Variants in IGF2BP3 observed in about 807,000 individuals in gnomAD.
IGF2BP3 encodes the protein insulin like growth factor 2 mRNA binding protein 3.
In IGF2BP3, 9 loss-of-function variants were observed where a neutral mutation model predicts 73.8. That is an observed-to-expected ratio of 0.12 (90% CI 0.07 to 0.21). IGF2BP3 has a LOEUF of 0.21. Among genes scored for constraint, IGF2BP3 ranks in the 10% least tolerant of loss-of-function variants. IGF2BP3 has a pLI of 1.00. For missense variants in IGF2BP3, 542 were observed against 714.0 expected, an observed-to-expected ratio of 0.76 and a Z score of 2.75; for synonymous variants, 258 against 256.7, an observed-to-expected ratio of 1.01 and a Z score of -0.05.
chr7:23,444,457 T>G (rs1788008054), intron 2 of IGF2BP3, among the ~76,000 whole-genome samples: 2 of 152,206 alleles, frequency 1.3e-5, no homozygotes, highest in South Asian at 4.2e-4. Flanking sequence ...AATTGCTTTT[T>G]AGGTCAGGTG....
At chr7:23,353,228 G>A (rs1336699005) in intron 5 of IGF2BP3, among the ~76,000 whole-genome samples, 4 of 152,056 alleles carry the variant, frequency 2.6e-5, no homozygotes, top group African/African-American at 7.2e-5. Flanking sequence ...GGTCATTTCC[G>A]GCTTATACAC....
intron 10 of IGF2BP3, among the ~76,000 whole-genome samples, chr7:23,325,748 G>C (rs896693076): frequency 2.0e-5 from 3 of 152,196 alleles, no homozygotes; most frequent in African/African-American, 7.2e-5. Context: ...GAACAGAACA[G>C]AACAGAGCCC....
intron 2 of IGF2BP3, among the ~76,000 whole-genome samples, chr7:23,451,330 A>G (rs1260399745): frequency 2.0e-5 from 3 of 152,304 alleles, no homozygotes; most frequent in Admixed American, 2.0e-4. Flanking sequence ...AGGCAGGAGA[A>G]TCGCTTGAAC....
At chr7:23,424,446 G>A (rs1341823021) in intron 2 of IGF2BP3, among the ~76,000 whole-genome samples, 4 of 149,998 alleles carry the variant, frequency 2.7e-5, no homozygotes, top group African/African-American at 4.9e-5. Context: ...GCAGTGAGCC[G>A]AGATCGCACC....
chr7:23,408,503 A>T (rs1470234591), intron 3 of IGF2BP3, among the ~76,000 whole-genome samples: 1 of 152,228 alleles, frequency 6.6e-6, no homozygotes, highest in Non-Finnish European at 1.5e-5. Context: ...CAAAATAACA[A>T]GTGTTGAAGT....
chr7:23,324,035 T>G (rs959915893), intron 10 of IGF2BP3, among the ~76,000 whole-genome samples: 1 of 151,804 alleles, frequency 6.6e-6, no homozygotes, highest in Admixed American at 6.5e-5. Flanking sequence ...GAAAACACAT[T>G]CAAAAGCTAG....
chr7:23,470,060 G>T lies in IGF2BP3; in HGVS notation c.51C>A (p.Asp17Glu). The change falls in exon 1 of 15, where the codon GAC becomes GAA. Residue 17 changes from aspartate (D) to glutamate (E), a missense_variant. By Grantham distance (45) the Asp-to-Glu change is conservative. Transcript: ENST00000258729. ...TGGCGTCCTTGAAGATACTTTCTAG[G>T]TCCGAGGGGGCGGCGTTCTCGCTGA... is the stretch of plus-strand genomic sequence containing the variant. ...GNLSENAAPS[D>E]LESIFKDAKI... 1 of 1,611,008 alleles carries T rather than the reference G, an allele frequency of 6.2e-7. No homozygotes were observed. Among genetic ancestry groups the T allele is most frequent in the Non-Finnish European group, 8.5e-7 (1 of 1,179,306 alleles).
intron 13 of IGF2BP3, among the ~76,000 whole-genome samples, chr7:23,313,244 G>C (rs1014413946): frequency 2.6e-5 from 4 of 152,178 alleles, no homozygotes; most frequent in African/African-American, 9.7e-5. Flanking sequence ...TTAAGTGTCT[G>C]TTCCATAAAA....
rs1157657570 is a variant in IGF2BP3 at position 23,396,927 on chromosome 7, C to CT, written c.285+21848dup. Among the ~76,000 whole-genome samples the CT allele has an allele frequency of 2.6e-5, 4 of 152,036 alleles. No individual in the cohort carries two copies. The East Asian group carries it at 7.7e-4, about 29-fold the overall frequency. On this transcript the variant is annotated intron_variant, in intron 3 of 14. Transcript: ENST00000258729. ...GGTTCTCACATTGACCCTGAAAGGACTTTTTTTTGTTAATCCCATTTTCAC... is the reference window on the plus strand; with the variant it reads ...GGTTCTCACATTGACCCTGAAAGGACTTTTTTTTTGTTAATCCCATTTTCAC...
chr7:23,370,588 G>A (rs1785512553), intron 3 of IGF2BP3, among the ~76,000 whole-genome samples: 1 of 152,032 alleles, frequency 6.6e-6, no homozygotes, highest in Non-Finnish European at 1.5e-5. Context: ...CACTGCTCAG[G>A]ATCTGTGATG....
At chr7:23,401,200 T>A (rs185569894) in intron 3 of IGF2BP3, among the ~76,000 whole-genome samples, 6 of 152,320 alleles carry the variant, frequency 3.9e-5, no homozygotes, top group African/African-American at 1.4e-4. Context: ...ACCATCCATA[T>A]TTAAGATTCA....
chr7:23,400,227 A>C (rs548875447), intron 3 of IGF2BP3, among the ~76,000 whole-genome samples: 2 of 152,362 alleles, frequency 1.3e-5, no homozygotes, highest in African/African-American at 4.8e-5. Flanking sequence ...AAATAGGCAA[A>C]TGCATCTAAG....
chr7:23,351,711 C>T (rs1784967033), intron 5 of IGF2BP3, 125 bp from the exon 6 acceptor site: 1 of 964,384 alleles, frequency 1.0e-6, no homozygotes, highest in Non-Finnish European at 1.5e-6. Context: ...GAAGCCCCAG[C>T]ACAAGCAGCA....
chr7:23,410,204 A>C (rs1203033167), intron 3 of IGF2BP3, among the ~76,000 whole-genome samples: 1 of 152,010 alleles, frequency 6.6e-6, no homozygotes, highest in Admixed American at 6.6e-5. Flanking sequence ...CAAAAGAAAA[A>C]AAAATAGCCA....
intron 2 of IGF2BP3, among the ~76,000 whole-genome samples, chr7:23,435,409 A>G (rs1272010333): frequency 6.6e-6 from 1 of 151,702 alleles, no homozygotes; most frequent in Non-Finnish European, 1.5e-5. Context: ...ACTGTCAGCA[A>G]CATCCAGACC....
At chr7:23,462,178 A>G (rs1299676685) in intron 2 of IGF2BP3, among the ~76,000 whole-genome samples, 1 of 152,214 alleles carries the variant, frequency 6.6e-6, no homozygotes, top group African/African-American at 2.4e-5. Flanking sequence ...AGAATGAGAA[A>G]GAATAAATTG....
chr7:23,384,627 A>G (rs184219504), intron 3 of IGF2BP3, among the ~76,000 whole-genome samples: 4 of 152,118 alleles, frequency 2.6e-5, no homozygotes, highest in Non-Finnish European at 4.4e-5. Context: ...GAGGTGGCTC[A>G]TACTGTAATC....
intron 2 of IGF2BP3, among the ~76,000 whole-genome samples, chr7:23,455,972 A>C (rs1788307365): frequency 6.6e-6 from 1 of 152,198 alleles, no homozygotes. Flanking sequence ...GGCATGAGCC[A>C]CTGCGCCCGG....
At chr7:23,407,576 C>A (rs1786875696) in intron 3 of IGF2BP3, among the ~76,000 whole-genome samples, 1 of 150,068 alleles carries the variant, frequency 6.7e-6, no homozygotes, top group African/African-American at 2.5e-5. Context: ...CCATCGCACT[C>A]CGGCCTGGGC....
Sources: allele counts gnomAD v4.1 joint callset (sites outside exome capture counted in the v4.1 genomes callset), GRCh38; gene constraint gnomAD v4.1.1; transcripts MANE v1.5; gene names NCBI Gene and HGNC (gene_info 2026-07-23, HGNC 2026-07-21).